Variants in CACNA2D3 observed in about 807,000 individuals in gnomAD.
CACNA2D3 encodes the protein calcium voltage-gated channel auxiliary subunit alpha2delta 3, also known as voltage-dependent calcium channel subunit alpha-2/delta-3.
CACNA2D3 carries 60 observed loss-of-function variants against 160.6 expected under a neutral mutation model. The observed-to-expected ratio is 0.37, with a 90% CI of 0.30 to 0.46. The LOEUF is 0.46. Among genes scored for constraint, CACNA2D3 ranks in the 20% least tolerant of loss-of-function variants. The pLI is 1.00. For synonymous variants in CACNA2D3, 558 were observed against 492.9 expected (o/e 1.13, Z -1.75); for missense variants, 1,205 against 1,365.0 (o/e 0.88, Z 1.85).
At chr3:54,705,160 A>G (rs951254770) in intron 11 of CACNA2D3, among the ~76,000 whole-genome samples, 1 of 152,184 alleles carries the variant, frequency 6.6e-6, no homozygotes, top group Non-Finnish European at 1.5e-5. Flanking sequence ...AATACCCACT[A>G]TCTGGATTTA....
chr3:54,566,745 C>T (rs981971599), intron 6 of CACNA2D3, among the ~76,000 whole-genome samples: 4 of 152,114 alleles, frequency 2.6e-5, no homozygotes, highest in Admixed American at 1.3e-4. Context: ...CTGTAGAAGG[C>T]TTGGTAATTA....
At chr3:54,929,171 C>CA (rs1025935929) in intron 27 of CACNA2D3, among the ~76,000 whole-genome samples, 10 of 152,154 alleles carry the variant, frequency 6.6e-5, no homozygotes, top group African/African-American at 2.4e-4. Flanking sequence ...TGTCTCCAGG[C>CA]AAGTGACTTA....
chr3:54,485,934 A>G lies in CACNA2D3; in HGVS notation c.382-17558A>G, dbSNP rs544955882. Among the ~76,000 whole-genome samples, 5 of 152,252 alleles carry G rather than the reference A, an allele frequency of 3.3e-5. No homozygotes were observed. The South Asian group carries it at 6.2e-4, about 19-fold the overall frequency. ...CCCTTCATTCATGAGGGTGGGCCCAATAACTATGCACAACTTGACTCCTTT... is the reference window on the plus strand; with the variant it reads ...CCCTTCATTCATGAGGGTGGGCCCAGTAACTATGCACAACTTGACTCCTTT... On this transcript the variant is annotated intron_variant, in intron 4 of 37. Coordinates refer to ENST00000474759, the MANE Select transcript of CACNA2D3 (RefSeq NM_018398.3).
chr3:54,521,769 T>C (rs899749365), intron 5 of CACNA2D3, among the ~76,000 whole-genome samples: 3 of 152,202 alleles, frequency 2.0e-5, no homozygotes, highest in Non-Finnish European at 4.4e-5. Context: ...CCTCATTCTT[T>C]TGCATGTGGC....
chr3:54,656,519 A>C (rs1220610118), intron 11 of CACNA2D3, among the ~76,000 whole-genome samples: 2 of 152,162 alleles, frequency 1.3e-5, no homozygotes, highest in Non-Finnish European at 2.9e-5. Flanking sequence ...AGCTGTGCCC[A>C]CTTTCCTGCC....
At chr3:54,849,702 G>A (rs995334643) in intron 17 of CACNA2D3, among the ~76,000 whole-genome samples, 5 of 152,226 alleles carry the variant, frequency 3.3e-5, no homozygotes, top group Admixed American at 1.3e-4. Context: ...ACAAATGGAC[G>A]ATCCCCTTAG....
At chr3:54,739,519 A>G (rs1218693781) in intron 11 of CACNA2D3, among the ~76,000 whole-genome samples, 1 of 152,044 alleles carries the variant, frequency 6.6e-6, no homozygotes, top group East Asian at 1.9e-4. Flanking sequence ...TTCTAGGAAC[A>G]AACAGTTGGG....
chr3:54,689,162 C>G (rs900503536), intron 11 of CACNA2D3, among the ~76,000 whole-genome samples: 1 of 152,004 alleles, frequency 6.6e-6, no homozygotes, highest in African/African-American at 2.4e-5. Context: ...CTTCACTTAG[C>G]AGCAGCATTT....
chr3:54,473,031 A>G (rs938282356), intron 4 of CACNA2D3, among the ~76,000 whole-genome samples: 1 of 152,162 alleles, frequency 6.6e-6, no homozygotes, highest in Non-Finnish European at 1.5e-5. Flanking sequence ...AGAAAAAACT[A>G]CTTTAAATTT....
At chr3:54,352,290 T>C (rs1031908893) in intron 3 of CACNA2D3, among the ~76,000 whole-genome samples, 1 of 152,078 alleles carries the variant, frequency 6.6e-6, no homozygotes, top group African/African-American at 2.4e-5. Context: ...ACCTACTTCG[T>C]AGGATTTGTG....
intron 2 of CACNA2D3, among the ~76,000 whole-genome samples, chr3:54,157,835 C>CAAAAA (rs5849032): frequency 2.4e-4 from 32 of 134,134 alleles, no homozygotes; most frequent in Middle Eastern, 4.1e-3. Context: ...CCCAACCAAA[C>CAAAAA]AAAAAAAAAA....
chr3:54,682,796 GCA>G, intron 11 of CACNA2D3, among the ~76,000 whole-genome samples: 1 of 152,112 alleles, frequency 6.6e-6, no homozygotes, highest in Non-Finnish European at 1.5e-5. Flanking sequence ...TGATTCCCAA[GCA>G]GTAGGCTTGG....
intron 17 of CACNA2D3, among the ~76,000 whole-genome samples, chr3:54,867,908 C>G (rs990580767): frequency 6.6e-6 from 1 of 152,214 alleles, no homozygotes. Flanking sequence ...ACTGATCAGG[C>G]CACATGAAGG....
At chr3:54,833,933 T>A (rs1169201053) in intron 14 of CACNA2D3, among the ~76,000 whole-genome samples, 2 of 152,126 alleles carry the variant, frequency 1.3e-5, no homozygotes, top group Non-Finnish European at 2.9e-5. Flanking sequence ...GTCCATGAGA[T>A]CATTGGCCCA....
At chr3:54,251,895 C>T (rs1318840327) in intron 2 of CACNA2D3, among the ~76,000 whole-genome samples, 1 of 152,186 alleles carries the variant, frequency 6.6e-6, no homozygotes, top group Non-Finnish European at 1.5e-5. Context: ...AACTTGAAGA[C>T]CTGCTGGGTT....
At chr3:54,401,372 A>C (rs1216033870) in intron 4 of CACNA2D3, among the ~76,000 whole-genome samples, 3 of 152,166 alleles carry the variant, frequency 2.0e-5, no homozygotes, top group African/African-American at 7.2e-5. Context: ...CTTGGAAGAG[A>C]TTTGGACATC....
intron 27 of CACNA2D3, among the ~76,000 whole-genome samples, chr3:54,939,409 T>C (rs752608251): frequency 4.6e-5 from 7 of 152,236 alleles, no homozygotes; most frequent in Non-Finnish European, 1.5e-5. Flanking sequence ...TATCTCATCT[T>C]ATTCTTCCCA....
intron 34 of CACNA2D3, among the ~76,000 whole-genome samples, chr3:55,017,409 G>T (rs1373614009): frequency 6.6e-6 from 1 of 152,214 alleles, no homozygotes. Context: ...TCATTAGAAT[G>T]CTACCGTTAT....
intron 35 of CACNA2D3, among the ~76,000 whole-genome samples, chr3:55,032,499 A>G (rs1703706294): frequency 6.6e-6 from 1 of 152,154 alleles, no homozygotes; most frequent in South Asian, 2.1e-4. Context: ...CTGTTTAATC[A>G]TCTCTTTCTT....
Sources: allele counts gnomAD v4.1 joint callset (sites outside exome capture counted in the v4.1 genomes callset), GRCh38; gene constraint gnomAD v4.1.1; transcripts MANE v1.5; gene names NCBI Gene and HGNC (gene_info 2026-07-23, HGNC 2026-07-21).